The following TGM5 variants were observed in gnomAD, a reference collection of about 807,000 sequenced individuals.
The protein encoded by TGM5 is protein-glutamine gamma-glutamyltransferase 5.
A neutral mutation model predicts 77.2 loss-of-function variants in TGM5; 69 were observed. The ratio of observed to expected loss-of-function variants is 0.89; its 90% CI spans 0.74 to 1.09. The LOEUF (loss-of-function observed/expected upper bound fraction) is 1.09, where lower values mean the gene tolerates loss of function less well. Ranked by LOEUF, TGM5 falls within the 50% of genes least tolerant of loss-of-function variation. TGM5 has a pLI of 0.00. For missense variants in TGM5, 842 were observed against 896.5 expected (o/e 0.94, Z 0.78); for synonymous variants, 346 against 351.8 (o/e 0.98, Z 0.18).
chr15:43,245,547 G>T (rs1298692659), intron 6 of TGM5, among the ~76,000 whole-genome samples: 2 of 151,966 alleles, frequency 1.3e-5, no homozygotes, highest in Non-Finnish European at 2.9e-5. Context: ...GTATGCAAAG[G>T]TATACCATCT....
chr15:43,252,928 G>T lies in TGM5; in HGVS notation c.693C>A (p.Ser231Arg). 1.2e-6 allele frequency: 2 copies of T among 1,613,106 alleles called. No homozygotes were observed. Among genetic ancestry groups the T allele is most frequent in the Non-Finnish European group, 1.7e-6 (2 of 1,179,982 alleles). Reference sequence around the variant, plus strand: ...CATTGAGCACCCCATTATCATCATTGCTGTTGATCTGAAGAGAAGCCATAT... The same window carrying T: ...CATTGAGCACCCCATTATCATCATTTCTGTTGATCTGAAGAGAAGCCATAT... Reference protein sequence around the residue: ...VSRVVCAMINSNDDNGVLNGN... With the variant: ...VSRVVCAMINRNDDNGVLNGN... The change falls in exon 6 of 13, where the codon AGC (serine) becomes AGA (arginine). Residue 231 changes from serine (S) to arginine (R), a missense_variant. Coordinates refer to ENST00000220420, the MANE Select transcript of TGM5 (RefSeq NM_201631.4).
chr15:43,244,617 T>G (rs573990554), intron 6 of TGM5, among the ~76,000 whole-genome samples: 1 of 152,362 alleles, frequency 6.6e-6, no homozygotes, highest in East Asian at 1.9e-4. Context: ...AGTAATTACA[T>G]TTCTTCATTC....
chr15:43,260,344 C>G, intron 2 of TGM5, 47 bp from the exon 3 acceptor site: 1 of 1,614,164 alleles, frequency 6.2e-7, no homozygotes, highest in African/African-American at 1.3e-5. Context: ...CCTCCAAACC[C>G]CCGAAAATCC....
chr15:43,243,960 C>A (rs552004957), intron 6 of TGM5, among the ~76,000 whole-genome samples: 1 of 152,298 alleles, frequency 6.6e-6, no homozygotes, highest in East Asian at 1.9e-4. Context: ...GGTCACAGGG[C>A]AGGAAGAGAA....
chr15:43,256,802 C>A (rs1054931512), intron 3 of TGM5, 116 bp from the exon 4 acceptor site: 3 of 792,622 alleles, frequency 3.8e-6, no homozygotes, highest in African/African-American at 1.7e-5. Flanking sequence ...CTGGCGACAC[C>A]AAGAGGGGCA....
At chr15:43,245,726 A>G (rs1012915947) in intron 6 of TGM5, among the ~76,000 whole-genome samples, 2 of 152,272 alleles carry the variant, frequency 1.3e-5, no homozygotes, top group East Asian at 3.9e-4. Flanking sequence ...AGAAATAGGA[A>G]ATGGAAACAA....
chr15:43,233,526 G>T (rs748737793), intron 12 of TGM5, 28 bp downstream of exon 12: 38 of 1,613,944 alleles, frequency 2.4e-5, no homozygotes, highest in Non-Finnish European at 3.1e-5. Context: ...GGAAAAACAG[G>T]AGAAGGCTGA....
intron 3 of TGM5, among the ~76,000 whole-genome samples, chr15:43,258,109 T>C (rs1473373936): frequency 2.6e-5 from 4 of 152,056 alleles, no homozygotes; most frequent in African/African-American, 9.7e-5. Flanking sequence ...GGGATAGCAT[T>C]AGGAGATATA....
chr15:43,265,740 A>C (rs1398951499), intron 1 of TGM5, among the ~76,000 whole-genome samples: 1 of 152,238 alleles, frequency 6.6e-6, no homozygotes, highest in Non-Finnish European at 1.5e-5. Context: ...AGAGGCATGG[A>C]TAAGTATGTT....
chr15:43,260,498 A>T lies in TGM5; in HGVS notation c.92T>A (p.Leu31Gln). Residue 31 changes from leucine (L) to glutamine (Q), a missense_variant, in exon 2 of 13, where the codon CTG (leucine) becomes CAG (glutamine). Coordinates refer to ENST00000220420, the MANE Select transcript of TGM5 (RefSeq NM_201631.4). Reference sequence around the variant, plus strand: ...GAAGGCCTGGCCCCGGCGAACAAGCAGGTGGTCCACAGTGATCTCCTCCGT... The same window carrying T: ...GAAGGCCTGGCCCCGGCGAACAAGCTGGTGGTCCACAGTGATCTCCTCCGT... ...HHTEEITVDH[L>Q]LVRRGQAFNL... 6.2e-7 allele frequency: 1 copy of T among 1,614,218 alleles called. No individual in the cohort carries two copies. The highest frequency in any genetic ancestry group is 8.5e-7 in the Non-Finnish European group (1 of 1,180,036).
At chr15:43,266,325 G>A (rs2042824386) in intron 1 of TGM5, among the ~76,000 whole-genome samples, 1 of 152,146 alleles carries the variant, frequency 6.6e-6, no homozygotes, top group Non-Finnish European at 1.5e-5. Context: ...CAGAGTGAGG[G>A]GGATGATATA....
intron 3 of TGM5, 84 bp from the exon 4 acceptor site, chr15:43,256,770 A>G (rs2042745384): frequency 2.8e-6 from 3 of 1,070,578 alleles, no homozygotes; most frequent in African/African-American, 3.1e-5. Flanking sequence ...TCCCAGAGGA[A>G]ACGGTTCTGG....
chr15:43,252,246 G>A (rs1190733151), intron 6 of TGM5, among the ~76,000 whole-genome samples: 1 of 152,256 alleles, frequency 6.6e-6, no homozygotes, highest in Non-Finnish European at 1.5e-5. Context: ...ACGTGTGACT[G>A]TCACTTCGGA....
chr15:43,249,572 T>C (rs2042690791), intron 6 of TGM5, among the ~76,000 whole-genome samples: 1 of 152,164 alleles, frequency 6.6e-6, no homozygotes, highest in African/African-American at 2.4e-5. Context: ...CAACAGAACA[T>C]CACTGTCCCC....
chr15:43,251,538 C>G (rs936892179), intron 6 of TGM5, among the ~76,000 whole-genome samples: 13 of 152,292 alleles, frequency 8.5e-5, no homozygotes, highest in African/African-American at 3.1e-4. Context: ...CTTGGATTCC[C>G]CTAAAGAATC....
At chr15:43,248,471 C>T (rs769757780) in intron 6 of TGM5, among the ~76,000 whole-genome samples, 5 of 152,078 alleles carry the variant, frequency 3.3e-5, no homozygotes, top group Admixed American at 6.6e-5. Context: ...TGCACCTGGC[C>T]GAAACAACTT....
intron 4 of TGM5, among the ~76,000 whole-genome samples, chr15:43,255,497 G>C (rs2042736464): frequency 6.6e-6 from 1 of 152,200 alleles, no homozygotes; most frequent in African/African-American, 2.4e-5. Context: ...GAGGATTGGG[G>C]ATGTGAGTTG....
At chr15:43,235,344 G>A (rs1168547458) in intron 10 of TGM5, 125 bp downstream of exon 10, 15 of 1,326,612 alleles carry the variant, frequency 1.1e-5, no homozygotes, top group African/African-American at 5.8e-5. Context: ...GAGGGGAATC[G>A]TGCCAGAGGG....
chr15:43,233,753 G>A (rs2042565907), intron 11 of TGM5, 66 bp from the exon 12 acceptor site: 1 of 1,591,324 alleles, frequency 6.3e-7, no homozygotes, highest in Non-Finnish European at 8.6e-7. Flanking sequence ...ATTTACGAAG[G>A]GCACCATTCT....
Sources: allele counts gnomAD v4.1 joint callset (sites outside exome capture counted in the v4.1 genomes callset), GRCh38; gene constraint gnomAD v4.1.1; transcripts MANE v1.5; gene names NCBI Gene and HGNC (gene_info 2026-07-23, HGNC 2026-07-21).